The following LCOR variants were observed in gnomAD, a reference collection of about 807,000 sequenced individuals.
LCOR encodes the protein ligand dependent nuclear receptor corepressor.
In LCOR, 14 loss-of-function variants were observed where a neutral mutation model predicts 64.4. That is an observed-to-expected ratio of 0.22 (90% CI 0.14 to 0.34). The LOEUF is 0.34. Among genes scored for constraint, LCOR ranks in the 10% least tolerant of loss-of-function variants. The probability of loss-of-function intolerance (pLI) is 1.00; values close to 1 mark genes in which losing one functional copy is unlikely to be tolerated. For synonymous variants in LCOR, 643 were observed against 642.5 expected, an observed-to-expected ratio of 1.00 and a Z score of -0.01; for missense variants, 1,686 against 1,765.3, an observed-to-expected ratio of 0.96 and a Z score of 0.80.
chr10:96,974,994 A>C (rs1421022265), intron 7 of LCOR, among the ~76,000 whole-genome samples: 3 of 152,150 alleles, frequency 2.0e-5, no homozygotes, highest in African/African-American at 7.2e-5. Context: ...CAGGGTGTAA[A>C]ACCCCATCGC....
At chr10:96,833,758 A>G (rs2134354046) in intron 2 of LCOR, among the ~76,000 whole-genome samples, 1 of 152,282 alleles carries the variant, frequency 6.6e-6, no homozygotes, top group East Asian at 1.9e-4. Flanking sequence ...TGGGCCCCTC[A>G]TTCCCTCCTT....
intron 4 of LCOR, among the ~76,000 whole-genome samples, chr10:96,938,321 G>A (rs1028141415): frequency 2.6e-5 from 4 of 151,952 alleles, no homozygotes; most frequent in East Asian, 1.9e-4. Flanking sequence ...GATCATCTCC[G>A]TAGACACCCT....
At chr10:96,950,533 T>A (rs1178360886) in intron 6 of LCOR, among the ~76,000 whole-genome samples, 1 of 152,148 alleles carries the variant, frequency 6.6e-6, no homozygotes, top group Non-Finnish European at 1.5e-5. Flanking sequence ...GAATAATATT[T>A]AAAGTATTAA....
At chr10:96,845,449 CTTTTTTTTTTTTTTTTTTTT>C (rs762639752) in intron 2 of LCOR, among the ~76,000 whole-genome samples, 65 of 48,686 alleles carry the variant, frequency 1.3e-3, no homozygotes, top group East Asian at 8.7e-3. Flanking sequence ...TGGGCTTATC[CTTTTTTTTTTTTTTTTTTTT>C]TTTTTTTTTT....
In LCOR at chr10:96,982,060, T is replaced by C. The variant is rs1848092946; in HGVS notation, c.1600T>C (p.Leu534=). 2 of 1,614,174 alleles carry C rather than the reference T, an allele frequency of 1.2e-6. No homozygotes were observed. The highest frequency in any genetic ancestry group is 1.7e-6 in the Non-Finnish European group (2 of 1,180,030). The change falls in exon 8 of 8, where the codon TTG becomes CTG. Residue 534 remains leucine (L), a synonymous_variant. Transcript: ENST00000421806. Reference sequence around the variant, plus strand: ...CCAGGAAAAAGCAAGCTGCTCAGCATTGGCATCAGAGGCAGTTTTCACTCC... The same window carrying C: ...CCAGGAAAAAGCAAGCTGCTCAGCACTGGCATCAGAGGCAGTTTTCACTCC... The part of the protein sequence containing the change: ...HSQEKASCSA[L]ASEAVFTPKQ...
intron 2 of LCOR, among the ~76,000 whole-genome samples, chr10:96,876,551 G>A (rs546739402): frequency 8.5e-5 from 13 of 152,226 alleles, no homozygotes; most frequent in African/African-American, 2.9e-4. Flanking sequence ...AAAGATGGCA[G>A]CTTTTATTAA....
chr10:96,869,283 G>A (rs910063748), intron 2 of LCOR, among the ~76,000 whole-genome samples: 4 of 152,132 alleles, frequency 2.6e-5, no homozygotes, highest in South Asian at 2.1e-4. Context: ...CCTGATCTCG[G>A]CCCATTACAG....
intron 4 of LCOR, among the ~76,000 whole-genome samples, chr10:96,924,626 A>G (rs1379584626): frequency 6.6e-6 from 1 of 152,012 alleles, no homozygotes; most frequent in South Asian, 2.1e-4. Flanking sequence ...TATACCCTTC[A>G]CCGAGATTCA....
chr10:96,974,920 GCA>G (rs1197099892), intron 7 of LCOR, among the ~76,000 whole-genome samples: 2 of 152,226 alleles, frequency 1.3e-5, no homozygotes, highest in African/African-American at 4.8e-5. Flanking sequence ...TGTAATCCCA[GCA>G]CTTTGGGAAG....
intron 7 of LCOR, chr10:96,954,827 A>T (rs953859578): frequency 7.4e-5 from 44 of 593,610 alleles, no homozygotes; most frequent in Non-Finnish European, 1.0e-4. Context: ...ATTTTAGAGA[A>T]AAATAAATAA....
intron 4 of LCOR, among the ~76,000 whole-genome samples, chr10:96,913,728 C>T (rs1846886269): frequency 6.6e-6 from 1 of 152,078 alleles, no homozygotes; most frequent in Non-Finnish European, 1.5e-5. Context: ...TTGAGACCAG[C>T]CTGGCCAACA....
chr10:96,846,956 G>A (rs556165116), intron 2 of LCOR, among the ~76,000 whole-genome samples: 6 of 152,264 alleles, frequency 3.9e-5, no homozygotes, highest in African/African-American at 7.2e-5. Context: ...ATGGAGTAAA[G>A]ATAGAAAAGA....
chr10:96,876,358 TC>T (rs1376814824), intron 2 of LCOR, among the ~76,000 whole-genome samples: 3 of 152,170 alleles, frequency 2.0e-5, no homozygotes, highest in Non-Finnish European at 4.4e-5. Flanking sequence ...AGGCCCTACT[TC>T]CAAATACCAT....
rs1848229351 is a variant in LCOR at position 96,994,777 on chromosome 10, A to G, written c.*9643A>G. 6.6e-6 allele frequency: 1 copy of G among 152,212 alleles called. No homozygotes were observed. Among genetic ancestry groups the G allele is most frequent in the African/African-American group, 2.4e-5 (1 of 41,450 alleles). The allele number at this position is 152,212 out of a possible 1,614,324, so 9.4% of individuals were successfully genotyped here. Reference sequence around the variant, plus strand: ...ATTACCTTGTATGAAAAATCCCCATATTAGCCTCACTTAATCTCAATAGAA... The same window carrying G: ...ATTACCTTGTATGAAAAATCCCCATGTTAGCCTCACTTAATCTCAATAGAA... On this transcript the variant is annotated 3_prime_UTR_variant, in exon 8 of 8. Transcript: ENST00000421806.
intron 4 of LCOR, among the ~76,000 whole-genome samples, chr10:96,921,921 A>G (rs1039814675): frequency 3.3e-5 from 5 of 152,184 alleles, no homozygotes; most frequent in African/African-American, 7.2e-5. Context: ...TCATTAGTCT[A>G]TGTGTCTGTC....
Position 96,991,061 on chromosome 10 carries a change from C to A in LCOR, c.*5927C>A, listed in dbSNP as rs1848196908. The A allele has an allele frequency of 6.7e-6, 1 of 148,950 alleles. No homozygotes were observed. The highest frequency in any genetic ancestry group is 6.7e-5 in the Admixed American group (1 of 14,984). 9.2% of individuals were successfully genotyped at this position (148,950 alleles called of 1,614,324 possible). Reference sequence around the variant, plus strand: ...AAAAAAAAAAGCAACTATATGTGGCCCGCATAGCCTGAAATATTTACTTCC... The same window carrying A: ...AAAAAAAAAAGCAACTATATGTGGCACGCATAGCCTGAAATATTTACTTCC... On this transcript the variant is annotated 3_prime_UTR_variant, in exon 8 of 8. Transcript: ENST00000421806.
chr10:96,891,784 TC>T (rs897650623), intron 2 of LCOR, among the ~76,000 whole-genome samples: 1 of 152,042 alleles, frequency 6.6e-6, no homozygotes, highest in Non-Finnish European at 1.5e-5. Flanking sequence ...CCTCAGGTGA[TC>T]ACCTGCCTCG....
At chr10:96,893,600 TA>T in intron 2 of LCOR, among the ~76,000 whole-genome samples, 1 of 151,946 alleles carries the variant, frequency 6.6e-6, no homozygotes, top group Non-Finnish European at 1.5e-5. Flanking sequence ...CGGTCTCTAC[TA>T]AAAATACAAA....
intron 2 of LCOR, among the ~76,000 whole-genome samples, chr10:96,878,551 A>G (rs1428058365): frequency 6.6e-6 from 1 of 152,184 alleles, no homozygotes; most frequent in Non-Finnish European, 1.5e-5. Flanking sequence ...CCATTAACCA[A>G]GAAGGAGGAG....
Sources: gnomAD v4.1 joint callset for allele counts (sites outside exome capture counted in the v4.1 genomes callset) on GRCh38, gnomAD v4.1.1 for gene constraint, MANE v1.5 for transcripts, NCBI Gene and HGNC (gene_info 2026-07-23, HGNC 2026-07-21) for gene names.